MSH3: variants seen among roughly 807,000 people sequenced by gnomAD.
The protein encoded by MSH3 is DNA mismatch repair protein Msh3.
Under a neutral mutation model 123.3 loss-of-function variants are expected in MSH3, and 106 were observed. The ratio of observed to expected loss-of-function variants is 0.86; its 90% CI spans 0.73 to 1.01. The LOEUF (loss-of-function observed/expected upper bound fraction) is 1.01. Ranked by LOEUF, MSH3 falls within the 50% of genes least tolerant of loss-of-function variation. MSH3 has a pLI of 0.00. For synonymous variants in MSH3, 515 were observed against 481.4 expected, an observed-to-expected ratio of 1.07 and a Z score of -0.91; for missense variants, 1,459 against 1,347.6, an observed-to-expected ratio of 1.08 and a Z score of -1.29.
At chr5:80,721,966 T>C in intron 8 of MSH3, among the ~76,000 whole-genome samples, 1 of 152,220 alleles carries the variant, frequency 6.6e-6, no homozygotes. Context: ...TTGTCTTAGA[T>C]TGTAAACTAA....
chr5:80,759,205 G>A (rs575957237), intron 12 of MSH3, among the ~76,000 whole-genome samples: 1 of 152,254 alleles, frequency 6.6e-6, no homozygotes, highest in East Asian at 1.9e-4. Context: ...TAGTCTTGTA[G>A]GAAAGACAGT....
chr5:80,668,761 T>TGCACCC (rs1173753517), intron 3 of MSH3, among the ~76,000 whole-genome samples: 1 of 152,088 alleles, frequency 6.6e-6, no homozygotes, highest in Non-Finnish European at 1.5e-5. Flanking sequence ...TGGCTGCAGC[T>TGCACCC]GCACCCAGGA....
intron 17 of MSH3, among the ~76,000 whole-genome samples, chr5:80,781,433 T>C (rs1329548851): frequency 6.6e-6 from 1 of 152,038 alleles, no homozygotes; most frequent in Non-Finnish European, 1.5e-5. Context: ...CTGGTGTTAT[T>C]CTTGATTCTT....
Position 80,744,601 on chromosome 5 carries a change from A to C in MSH3, c.1749A>C (p.Pro583=), listed in dbSNP as rs1247138685. ...RRKLKKWVTQ[P]LLKLREINAR... ...AGTTAAAGAAGTGGGTGACCCAGCC[A>C]CTCCTTAAATTAAGGTAAAAGGAAT... Residue 583 remains proline (P), a synonymous_variant, in exon 12 of 24, where the codon CCA becomes CCC. Transcript: ENST00000265081. 1.2e-6 allele frequency: 2 copies of C among 1,612,384 alleles called. No individual in the cohort carries two copies. Among genetic ancestry groups the C allele is most frequent in the Non-Finnish European group, 1.7e-6 (2 of 1,178,634 alleles).
At chr5:80,795,833 C>T (rs935324706) in intron 19 of MSH3, among the ~76,000 whole-genome samples, 7 of 152,030 alleles carry the variant, frequency 4.6e-5, no homozygotes, top group Non-Finnish European at 1.0e-4. Flanking sequence ...GCCAACATGG[C>T]AAAACCCTGT....
chr5:80,715,582 C>T (rs899194416), intron 8 of MSH3, among the ~76,000 whole-genome samples: 7 of 149,746 alleles, frequency 4.7e-5, no homozygotes, highest in Non-Finnish European at 1.0e-4. Context: ...CTATAAAGAA[C>T]TACCTGAGAC....
chr5:80,788,802 C>CAA (rs199590090), intron 18 of MSH3, among the ~76,000 whole-genome samples: 6 of 90,150 alleles, frequency 6.7e-5, no homozygotes, highest in East Asian at 5.0e-4. Flanking sequence ...GAGCCTGTCT[C>CAA]AAAAAAAAAA....
intron 8 of MSH3, among the ~76,000 whole-genome samples, chr5:80,679,508 A>G (rs1749921139): frequency 6.6e-6 from 1 of 152,224 alleles, no homozygotes; most frequent in Admixed American, 6.5e-5. Flanking sequence ...AATTATTGGT[A>G]ATCTTCAGTT....
intron 22 of MSH3, among the ~76,000 whole-genome samples, chr5:80,866,791 T>G (rs1746107616): frequency 6.6e-6 from 1 of 152,236 alleles, no homozygotes; most frequent in South Asian, 2.1e-4. Flanking sequence ...ATGAGCCAAG[T>G]TTGGAGACAA....
intron 17 of MSH3, among the ~76,000 whole-genome samples, chr5:80,782,616 A>G (rs1022926414): frequency 2.6e-5 from 4 of 152,204 alleles, no homozygotes; most frequent in African/African-American, 9.6e-5. Context: ...AGTTCCTATA[A>G]TGTACATATA....
intron 20 of MSH3, among the ~76,000 whole-genome samples, chr5:80,852,554 A>G (rs923632385): frequency 1.3e-5 from 2 of 152,224 alleles, no homozygotes; most frequent in Non-Finnish European, 2.9e-5. Context: ...TGAAAGTTTC[A>G]TCATCCTGTT....
chr5:80,779,924 G>T (rs780182436), intron 17 of MSH3, among the ~76,000 whole-genome samples: 1 of 152,026 alleles, frequency 6.6e-6, no homozygotes, highest in East Asian at 1.9e-4. Flanking sequence ...ATGTCCCCCC[G>T]CCACCGGCTT....
chr5:80,692,440 G>A (rs1645405352), intron 8 of MSH3, among the ~76,000 whole-genome samples: 1 of 40,842 alleles, frequency 2.4e-5, no homozygotes, highest in African/African-American at 1.8e-4. Context: ...AGATAAACAT[G>A]TATATGTTTA....
chr5:80,854,083 A>T (rs1235866019), intron 20 of MSH3, 47 bp from the exon 21 acceptor site: 3 of 1,470,480 alleles, frequency 2.0e-6, no homozygotes, highest in Non-Finnish European at 2.9e-6. Context: ...CGGCTTCCTA[A>T]TAAGAAAGTG....
At chr5:80,807,644 C>T (rs1475113014) in intron 19 of MSH3, among the ~76,000 whole-genome samples, 8 of 152,200 alleles carry the variant, frequency 5.3e-5, no homozygotes, top group Non-Finnish European at 1.2e-4. Flanking sequence ...TATCACCTGC[C>T]TTATGAATTT....
At chr5:80,864,176 T>C (rs1180467199) in intron 21 of MSH3, among the ~76,000 whole-genome samples, 3 of 152,132 alleles carry the variant, frequency 2.0e-5, no homozygotes, top group Non-Finnish European at 4.4e-5. Flanking sequence ...ATCCATGATA[T>C]GTAGGGCATG....
At chr5:80,680,874 T>C (rs981662620) in intron 8 of MSH3, among the ~76,000 whole-genome samples, 5 of 152,210 alleles carry the variant, frequency 3.3e-5, no homozygotes, top group African/African-American at 1.2e-4. Context: ...AATTTATCCA[T>C]TCCATTTTTA....
chr5:80,839,017 C>A (rs770160602), intron 20 of MSH3, among the ~76,000 whole-genome samples: 73 of 152,308 alleles, frequency 4.8e-4, no homozygotes, highest in Non-Finnish European at 9.8e-4. Context: ...TGACAGTACT[C>A]AATCTCTCTG....
intron 8 of MSH3, among the ~76,000 whole-genome samples, chr5:80,712,364 A>T (rs1750878479): frequency 6.6e-6 from 1 of 152,154 alleles, no homozygotes; most frequent in Non-Finnish European, 1.5e-5. Context: ...AGTTTCTTCC[A>T]TCCTGTCCCT....
Sources: gnomAD v4.1 joint callset for allele counts (sites outside exome capture counted in the v4.1 genomes callset) on GRCh38, gnomAD v4.1.1 for gene constraint, MANE v1.5 for transcripts, NCBI Gene and HGNC (gene_info 2026-07-23, HGNC 2026-07-21) for gene names.